Variants in ASAP2 observed in about 807,000 individuals in gnomAD.
The protein encoded by ASAP2 is arf-GAP with SH3 domain, ANK repeat and PH domain-containing protein 2.
Under a neutral mutation model 131.4 loss-of-function variants are expected in ASAP2, and 45 were observed. The ratio of observed to expected loss-of-function variants is 0.34; its 90% CI spans 0.27 to 0.44. ASAP2 has a LOEUF of 0.44. Among genes scored for constraint, ASAP2 ranks in the 20% least tolerant of loss-of-function variants. ASAP2 has a pLI of 1.00. For missense variants in ASAP2, 1,011 were observed against 1,297.0 expected (o/e 0.78, Z 3.39); for synonymous variants, 510 against 503.0 (o/e 1.01, Z -0.19).
chr2:9,373,843 T>C (rs114302698), intron 16 of ASAP2, among the ~76,000 whole-genome samples: 2,950 of 152,288 alleles, frequency 0.019, 76 homozygotes, highest in African/African-American at 0.065. Context: ...ACCTTCAGAA[T>C]TGGGATTGTA....
Position 9,207,187 on chromosome 2 carries a change from C to T in ASAP2, c.83C>T (p.Thr28Ile), listed in dbSNP as rs939701295. The T allele has an allele frequency of 3.1e-6, 5 of 1,604,214 alleles. 1 individual carries two copies. The highest frequency in any genetic ancestry group is 2.3e-5 in the East Asian group (1 of 44,368). ...YKAPTASSFT[T>I]RTAQCRNTVA... ...GCGCCCACGGCCTCCAGCTTCACCA[C>T]CCGCACGGCGCAGTGCCGGAACACT... Residue 28 changes from threonine (T) to isoleucine (I), a missense_variant, in exon 1 of 28, where the codon ACC (threonine) becomes ATC (isoleucine). Around this residue, in one of 2 missense-constraint regions of ASAP2, gnomAD observed 359 missense variants for 598.1 expected, o/e 0.60. Transcript: ENST00000281419. This position sits in a 1 kb window ranked among gnomAD's most constrained non-coding sequence, Gnocchi z 4.1.
chr2:9,376,877 A>C (rs1235960547), intron 17 of ASAP2, 31 bp from the exon 18 acceptor site: 2 of 1,598,012 alleles, frequency 1.3e-6, no homozygotes, highest in African/African-American at 2.7e-5. Flanking sequence ...CTCCCATTAG[A>C]ATTCTGGAAT....
chr2:9,320,586 T>A lies in ASAP2; in HGVS notation c.470+249T>A, dbSNP rs147687213. On this transcript the variant is annotated intron_variant, in intron 5 of 27. Transcript: ENST00000281419. ...TTATAGGATGTTATTTTCAGGAAAGTTCATTGAGGGAAGTTAAGACCAATT... is the reference window on the plus strand; with the variant it reads ...TTATAGGATGTTATTTTCAGGAAAGATCATTGAGGGAAGTTAAGACCAATT... 3.3e-5 allele frequency among the ~76,000 whole-genome samples: 5 copies of A among 152,326 alleles called. No individual in the cohort carries two copies. In the East Asian group the frequency reaches 9.6e-4, roughly 29 times the overall value.
chr2:9,218,487 G>A (rs965923971), intron 1 of ASAP2, among the ~76,000 whole-genome samples: 1 of 152,234 alleles, frequency 6.6e-6, no homozygotes, highest in Non-Finnish European at 1.5e-5. Flanking sequence ...CCACTGAAGG[G>A]TGAATCATGG....
chr2:9,206,943 C>T lies in ASAP2; in HGVS notation c.-162C>T, dbSNP rs1661144202. On this transcript the variant is annotated 5_prime_UTR_variant, in exon 1 of 28. Coordinates refer to ENST00000281419, the MANE Select transcript of ASAP2 (RefSeq NM_003887.3). This position sits in a 1 kb window ranked among gnomAD's most constrained non-coding sequence, Gnocchi z 4.0. The stretch of plus-strand genomic sequence containing the variant: ...GCGGGGCTGCGCGCCGCCCCTGCTC[C>T]GCCGCCAGGCCCCGCGCGGCTCCCG... The T allele has an allele frequency of 3.3e-6, 2 of 599,286 alleles. No individual in the cohort carries two copies. The highest frequency in any genetic ancestry group is 4.2e-6 in the Non-Finnish European group (2 of 479,966). The allele number at this position is 599,286 out of a possible 1,614,324, so 37.1% of individuals were successfully genotyped here.
intron 5 of ASAP2, among the ~76,000 whole-genome samples, chr2:9,321,595 C>T (rs1316582497): frequency 6.6e-6 from 1 of 152,022 alleles, no homozygotes; most frequent in Non-Finnish European, 1.5e-5. Flanking sequence ...TTGAGCCAGG[C>T]CAGGAAGCAG....
chr2:9,226,135 T>C (rs1293706947), intron 1 of ASAP2, among the ~76,000 whole-genome samples: 1 of 152,204 alleles, frequency 6.6e-6, no homozygotes, highest in Non-Finnish European at 1.5e-5. Flanking sequence ...AGAAGGTCAG[T>C]TGTTTGAAGT....
intron 1 of ASAP2, among the ~76,000 whole-genome samples, chr2:9,210,340 A>T (rs902558200): frequency 6.6e-6 from 1 of 152,214 alleles, no homozygotes; most frequent in Admixed American, 6.5e-5. Flanking sequence ...AATAATACCT[A>T]TCAACTTCAG....
chr2:9,270,784 C>CTTTTTTTTTTT (rs1666294703), intron 1 of ASAP2, among the ~76,000 whole-genome samples: 1 of 69,740 alleles, frequency 1.4e-5, no homozygotes, highest in African/African-American at 5.1e-5. Flanking sequence ...CAATTGTTTT[C>CTTTTTTTTTTT]ATTTTTTTTT....
intron 3 of ASAP2, among the ~76,000 whole-genome samples, chr2:9,302,918 A>G (rs544022410): frequency 1.3e-5 from 2 of 152,296 alleles, no homozygotes; most frequent in South Asian, 4.2e-4. Context: ...GCAGAGGGGC[A>G]TCCTGGCTTG....
At chr2:9,227,051 T>A (rs1005183387) in intron 1 of ASAP2, among the ~76,000 whole-genome samples, 2 of 152,146 alleles carry the variant, frequency 1.3e-5, no homozygotes, top group African/African-American at 4.8e-5. Context: ...GAAGGAAGTA[T>A]GTGTGAGAGA....
At chr2:9,236,591 T>A (rs72773354) in intron 1 of ASAP2, among the ~76,000 whole-genome samples, 2,799 of 152,298 alleles carry the variant, frequency 0.018, 32 homozygotes, top group Non-Finnish European at 0.031. Flanking sequence ...CTAAAGAGGA[T>A]TTTTTACCGG....
chr2:9,207,212 T>G lies in ASAP2; in HGVS notation c.108T>G (p.Thr36=), dbSNP rs1389704627. The G allele has an allele frequency of 1.3e-6, 2 of 1,595,932 alleles. No homozygotes were observed. The highest frequency in any genetic ancestry group is 1.7e-6 in the Non-Finnish European group (2 of 1,172,772). ...FTTRTAQCRN[T]VAAIEEALDV... The stretch of plus-strand genomic sequence containing the variant: ...CCCGCACGGCGCAGTGCCGGAACAC[T>G]GTGGCGGCCATCGAGGAGGTGAGGC... The change falls in exon 1 of 28, where the codon ACT becomes ACG. Residue 36 remains threonine, a synonymous_variant. Transcript: ENST00000281419. This position sits in a 1 kb window ranked among gnomAD's most constrained non-coding sequence, Gnocchi z 4.1.
intron 1 of ASAP2, among the ~76,000 whole-genome samples, chr2:9,275,617 C>A (rs1558288145): frequency 1.3e-5 from 2 of 152,176 alleles, no homozygotes; most frequent in Non-Finnish European, 2.9e-5. Context: ...TCCTGCCTGC[C>A]CTGATCCATT....
chr2:9,209,223 T>C (rs1174456013), intron 1 of ASAP2, among the ~76,000 whole-genome samples: 2 of 152,258 alleles, frequency 1.3e-5, no homozygotes, highest in East Asian at 1.9e-4. Flanking sequence ...TATTTCACTT[T>C]AAGCAAATCT....
chr2:9,241,070 T>C (rs1356318792), intron 1 of ASAP2, among the ~76,000 whole-genome samples: 1 of 152,266 alleles, frequency 6.6e-6, no homozygotes, highest in Admixed American at 6.5e-5. Flanking sequence ...TCTGGACTTT[T>C]CTGTGGAATA....
At chr2:9,291,865 A>C (rs16866985) in intron 2 of ASAP2, among the ~76,000 whole-genome samples, 1,817 of 152,200 alleles carry the variant, frequency 0.012, 31 homozygotes, top group African/African-American at 0.041. Context: ...GGTTAATGGT[A>C]CATGCACTTG....
chr2:9,305,290 G>A (rs1283727833), intron 3 of ASAP2, among the ~76,000 whole-genome samples: 5 of 151,094 alleles, frequency 3.3e-5, no homozygotes, highest in African/African-American at 9.8e-5. Context: ...AGATGTTGGT[G>A]TAGAGGCTGT....
chr2:9,313,685 C>T (rs1312682495), intron 3 of ASAP2, among the ~76,000 whole-genome samples: 3 of 152,188 alleles, frequency 2.0e-5, no homozygotes, highest in Admixed American at 6.5e-5. Context: ...AATTGACCTG[C>T]GCCGGTGACT....
Sources: allele counts gnomAD v4.1 joint callset (sites outside exome capture counted in the v4.1 genomes callset), GRCh38; gene constraint gnomAD v4.1.1; regional missense constraint gnomAD v4.1.1; non-coding constraint Gnocchi (gnomAD v3.1); transcripts MANE v1.5; gene names NCBI Gene and HGNC (gene_info 2026-07-23, HGNC 2026-07-21).